Variants in NELL1 observed in about 807,000 individuals in gnomAD.
The protein encoded by NELL1 is protein kinase C-binding protein NELL1.
A neutral mutation model predicts 107.4 loss-of-function variants in NELL1; 76 were observed. That is an observed-to-expected ratio of 0.71 (90% CI 0.59 to 0.86). The LOEUF is 0.86. Ranked by LOEUF, NELL1 falls within the 40% of genes least tolerant of loss-of-function variation. The pLI is 0.00. For missense variants in NELL1, 1,024 were observed against 1,005.5 expected (o/e 1.02, Z -0.25); for synonymous variants, 353 against 341.2 (o/e 1.03, Z -0.38).
chr11:20,774,965 C>A (rs1048571534), intron 2 of NELL1, among the ~76,000 whole-genome samples: 4 of 151,902 alleles, frequency 2.6e-5, no homozygotes, highest in African/African-American at 9.7e-5. Context: ...GAAAAAAAAA[C>A]CCTGTTGTCC....
chr11:21,438,259 G>GTTTTTTTTTT (rs35035702), intron 15 of NELL1, among the ~76,000 whole-genome samples: 1 of 150,468 alleles, frequency 6.6e-6, no homozygotes. Flanking sequence ...TTACATGACA[G>GTTTTTTTTTT]TTTTTTTGTT....
intron 13 of NELL1, among the ~76,000 whole-genome samples, chr11:21,147,836 C>CAAAAAAAAAA (rs35688285): frequency 9.1e-3 from 261 of 28,738 alleles, no homozygotes; most frequent in East Asian, 0.015. Flanking sequence ...AACTCCGTCT[C>CAAAAAAAAAA]AAAAAAAAAA....
chr11:21,137,776 G>T (rs914593233), intron 13 of NELL1, among the ~76,000 whole-genome samples: 1 of 152,164 alleles, frequency 6.6e-6, no homozygotes, highest in Admixed American at 6.5e-5. Flanking sequence ...TTCTTCTTAG[G>T]CTAGAAGGAA....
intron 15 of NELL1, among the ~76,000 whole-genome samples, chr11:21,508,013 C>T (rs1855334400): frequency 6.6e-6 from 1 of 151,926 alleles, no homozygotes; most frequent in Admixed American, 6.6e-5. Context: ...AACTCCTGAC[C>T]TCGTGATCCA....
chr11:21,117,776 C>T (rs1419026991), intron 13 of NELL1, among the ~76,000 whole-genome samples: 1 of 151,944 alleles, frequency 6.6e-6, no homozygotes, highest in Non-Finnish European at 1.5e-5. Context: ...CATTTCCAAT[C>T]ATCAAGACAG....
chr11:21,403,518 A>G (rs1470752390), intron 15 of NELL1, among the ~76,000 whole-genome samples: 2 of 95,718 alleles, frequency 2.1e-5, no homozygotes, highest in Admixed American at 9.2e-5. Flanking sequence ...TTCATGCCCC[A>G]TGGTGAAATG....
At chr11:20,897,453 A>G (rs966284412) in intron 5 of NELL1, among the ~76,000 whole-genome samples, 3 of 152,250 alleles carry the variant, frequency 2.0e-5, no homozygotes, top group African/African-American at 7.2e-5. Flanking sequence ...CTAAAACCAT[A>G]AAAACCCTAG....
At chr11:21,309,312 A>AT (rs1446101037) in intron 14 of NELL1, among the ~76,000 whole-genome samples, 4 of 129,978 alleles carry the variant, frequency 3.1e-5, no homozygotes, top group East Asian at 2.2e-4. Context: ...ATATATATAT[A>AT]ATATATATAT....
intron 14 of NELL1, among the ~76,000 whole-genome samples, chr11:21,358,875 A>G (rs561712072): frequency 6.6e-6 from 1 of 151,992 alleles, no homozygotes; most frequent in South Asian, 2.1e-4. Context: ...CAGATCTAGG[A>G]GCTTTTTGGA....
At chr11:21,129,056 A>G (rs1855554570) in intron 13 of NELL1, among the ~76,000 whole-genome samples, 2 of 152,154 alleles carry the variant, frequency 1.3e-5, no homozygotes, top group Non-Finnish European at 1.5e-5. Context: ...TATTTTGACT[A>G]TTCTTCTAGC....
At chr11:21,565,342 T>G (rs1281546530) in intron 17 of NELL1, among the ~76,000 whole-genome samples, 1 of 151,890 alleles carries the variant, frequency 6.6e-6, no homozygotes, top group Non-Finnish European at 1.5e-5. Context: ...AAAACCCTGT[T>G]TTGACCTTGC....
chr11:21,055,366 A>G (rs1466295229), intron 12 of NELL1, among the ~76,000 whole-genome samples: 1 of 151,962 alleles, frequency 6.6e-6, no homozygotes, highest in Non-Finnish European at 1.5e-5. Context: ...CAAATTTCAA[A>G]TATACATTTT....
At chr11:21,542,894 A>C (rs572679432) in intron 16 of NELL1, among the ~76,000 whole-genome samples, 1 of 152,206 alleles carries the variant, frequency 6.6e-6, no homozygotes, top group Admixed American at 6.6e-5. Flanking sequence ...GATGTTCATA[A>C]ATATCCTGGC....
chr11:20,899,165 C>A (rs529258346), intron 5 of NELL1, among the ~76,000 whole-genome samples: 4 of 152,016 alleles, frequency 2.6e-5, no homozygotes, highest in Non-Finnish European at 5.9e-5. Flanking sequence ...TATACACACA[C>A]ACATACACAC....
chr11:20,953,830 C>A (rs1851114872), intron 11 of NELL1, among the ~76,000 whole-genome samples: 1 of 152,170 alleles, frequency 6.6e-6, no homozygotes, highest in African/African-American at 2.4e-5. Context: ...TCCTAGAGCA[C>A]CTTGCCCCTC....
chr11:20,970,368 G>A (rs1462020678), intron 12 of NELL1, among the ~76,000 whole-genome samples: 1 of 151,616 alleles, frequency 6.6e-6, no homozygotes, highest in Non-Finnish European at 1.5e-5. Flanking sequence ...ACCATCTATT[G>A]TGGCTGGGTC....
chr11:21,522,890 G>T (rs1184283381), intron 15 of NELL1, among the ~76,000 whole-genome samples: 1 of 131,742 alleles, frequency 7.6e-6, no homozygotes, highest in Admixed American at 8.8e-5. Flanking sequence ...ACCCAGGCTG[G>T]AGTGCAGTGG....
chr11:21,033,244 G>A (rs985593711), intron 12 of NELL1, among the ~76,000 whole-genome samples: 3 of 152,042 alleles, frequency 2.0e-5, no homozygotes, highest in African/African-American at 7.3e-5. Context: ...TTGAAGATTG[G>A]TGATTGTCAT....
At chr11:21,014,688 G>A (rs754184384) in intron 12 of NELL1, among the ~76,000 whole-genome samples, 1 of 152,050 alleles carries the variant, frequency 6.6e-6, no homozygotes, top group Non-Finnish European at 1.5e-5. Flanking sequence ...TGTAAACCCA[G>A]TGTCTAACAT....
Sources: gnomAD v4.1 joint callset for allele counts (sites outside exome capture counted in the v4.1 genomes callset) on GRCh38, gnomAD v4.1.1 for gene constraint, MANE v1.5 for transcripts, NCBI Gene and HGNC (gene_info 2026-07-23, HGNC 2026-07-21) for gene names.